Variants in RYR2 observed in about 807,000 individuals in gnomAD.
RYR2 encodes the protein ryanodine receptor 2.
In RYR2, 227 loss-of-function variants were observed where a neutral mutation model predicts 601.1. That is an observed-to-expected ratio of 0.38 (90% CI 0.34 to 0.42). RYR2 has a LOEUF of 0.42. Ranked by LOEUF, RYR2 falls within the 10% of genes least tolerant of loss-of-function variation. The pLI is 1.00. For synonymous variants in RYR2, 2,223 were observed against 2,175.1 expected, an observed-to-expected ratio of 1.02 and a Z score of -0.61; for missense variants, 4,646 against 6,156.5, an observed-to-expected ratio of 0.75 and a Z score of 8.21.
At chr1:237,556,279 A>ATATTATTATTATTATTAT (rs57036969) in intron 27 of RYR2, among the ~76,000 whole-genome samples, 1 of 142,924 alleles carries the variant, frequency 7.0e-6, no homozygotes, top group Non-Finnish European at 1.5e-5. Flanking sequence ...ATTTTTTAAA[A>ATATTATTATTATTATTAT]TATTATTATT....
At chr1:237,432,210 T>A (rs74719158) in intron 12 of RYR2, among the ~76,000 whole-genome samples, 73 of 128,670 alleles carry the variant, frequency 5.7e-4, no homozygotes, top group East Asian at 1.6e-3. Flanking sequence ...AGGCTTTTTT[T>A]AAAAAAAAAT....
intron 47 of RYR2, among the ~76,000 whole-genome samples, chr1:237,641,997 C>A (rs1166870865): frequency 6.6e-6 from 1 of 151,896 alleles, no homozygotes; most frequent in African/African-American, 2.4e-5. Flanking sequence ...AAAATCCTGG[C>A]CCAGGGCCCA....
At position 237,651,846 on chromosome 1, in the gene RYR2, G is replaced by A. The variant is rs568612078; in HGVS notation, c.7824+345G>A. ...AGGTTAGGAGATCGAGACCATCCTAGCTAACACGGTGAAACCCCGTCTCTA... is the reference window on the plus strand; with the variant it reads ...AGGTTAGGAGATCGAGACCATCCTAACTAACACGGTGAAACCCCGTCTCTA... On this transcript the variant is annotated intron_variant, in intron 51 of 104. Coordinates refer to ENST00000366574, the MANE Select transcript of RYR2 (RefSeq NM_001035.3). Among the ~76,000 whole-genome samples the A allele has an allele frequency of 8.5e-5, 13 of 152,268 alleles. No individual in the cohort carries two copies. In the East Asian group the frequency reaches 2.3e-3, roughly 27 times the overall value.
intron 77 of RYR2, among the ~76,000 whole-genome samples, chr1:237,731,044 A>G (rs1690634363): frequency 6.6e-6 from 1 of 152,200 alleles, no homozygotes; most frequent in African/African-American, 2.4e-5. Flanking sequence ...TAACTCACAG[A>G]TTATTAGGGA....
chr1:237,479,660 A>G (rs891802443), intron 17 of RYR2, among the ~76,000 whole-genome samples: 5 of 152,232 alleles, frequency 3.3e-5, no homozygotes, highest in African/African-American at 1.2e-4. Context: ...AAACAGTTAC[A>G]TCTGCCAGCA....
At chr1:237,158,778 T>G (rs964634371) in intron 1 of RYR2, among the ~76,000 whole-genome samples, 2 of 152,216 alleles carry the variant, frequency 1.3e-5, no homozygotes, top group Admixed American at 1.3e-4. Flanking sequence ...AAGGAATGAT[T>G]GCCGAATGAA....
intron 33 of RYR2, among the ~76,000 whole-genome samples, chr1:237,594,904 T>TTTTTTTTG (rs1675685089): frequency 1.3e-4 from 7 of 52,606 alleles, no homozygotes; most frequent in African/African-American, 3.1e-4. Context: ...TTTTTTTTTT[T>TTTTTTTTG]TTTTTTTTTT....
intron 1 of RYR2, among the ~76,000 whole-genome samples, chr1:237,066,614 A>T (rs182664372): frequency 6.7e-6 from 1 of 148,686 alleles, no homozygotes; most frequent in Admixed American, 6.7e-5. Flanking sequence ...AACATCTTTC[A>T]TGTGCTTATT....
chr1:237,132,716 A>C (rs1180160791), intron 1 of RYR2, among the ~76,000 whole-genome samples: 1 of 152,220 alleles, frequency 6.6e-6, no homozygotes, highest in Non-Finnish European at 1.5e-5. Context: ...ATTTTTTATC[A>C]GGAAAAATTT....
At chr1:237,388,329 GT>G in intron 10 of RYR2, 146 bp downstream of exon 10, 1 of 680,592 alleles carries the variant, frequency 1.5e-6, no homozygotes, top group Non-Finnish European at 2.5e-6. Flanking sequence ...TGATCCATTT[GT>G]TGCCCCCTCT....
At chr1:237,791,315 C>T in intron 92 of RYR2, 114 bp from the exon 93 acceptor site, 1 of 672,216 alleles carries the variant, frequency 1.5e-6, no homozygotes. Flanking sequence ...GTGCTTGAAA[C>T]AGTAGGCTTG....
chr1:237,542,987 T>C (rs186194444), intron 25 of RYR2, among the ~76,000 whole-genome samples: 2 of 152,218 alleles, frequency 1.3e-5, no homozygotes, highest in African/African-American at 4.8e-5. Context: ...CAGCCTATCT[T>C]AGACTGGAGG....
chr1:237,724,648 C>T (rs1437021167), intron 74 of RYR2, among the ~76,000 whole-genome samples: 1 of 151,788 alleles, frequency 6.6e-6, no homozygotes. Flanking sequence ...CATCAATCAG[C>T]AGATGACAAG....
At chr1:237,779,257 A>G (rs866069437) in intron 88 of RYR2, among the ~76,000 whole-genome samples, 1 of 152,220 alleles carries the variant, frequency 6.6e-6, no homozygotes, top group Non-Finnish European at 1.5e-5. Flanking sequence ...AAAAGTAGCT[A>G]TTATATGGAT....
At chr1:237,558,062 A>G (rs1671082022) in intron 27 of RYR2, among the ~76,000 whole-genome samples, 1 of 152,216 alleles carries the variant, frequency 6.6e-6, no homozygotes, top group African/African-American at 2.4e-5. Flanking sequence ...TTGAAAGTAC[A>G]GTAAGAGGAG....
Position 237,660,925 on chromosome 1 carries a change from G to C in RYR2, c.8414G>C (p.Arg2805Pro). Residue 2805 changes from arginine to proline, a missense_variant, in exon 56 of 105, where the codon CGT (arginine) becomes CCT (proline). This residue lies in a region of RYR2 where 1,497 missense variants were observed against 1,842.6 expected (regional missense o/e 0.81). Transcript: ENST00000366574. The stretch of plus-strand genomic sequence containing the variant: ...AGCATGGCCCTTTACAACCGGACTC[G>C]TCGTATTTCTCAGACAAGCCAGGTA... ...GDSMALYNRT[R>P]RISQTSQVSV... is the part of the protein sequence containing the mutation. The C allele has an allele frequency of 6.9e-7, 1 of 1,448,294 alleles. No individual in the cohort carries two copies. Among genetic ancestry groups the C allele is most frequent in the East Asian group, 2.6e-5 (1 of 38,450 alleles). The allele number at this position is 1,448,294 out of a possible 1,614,324, so 89.7% of individuals were successfully genotyped here.
intron 2 of RYR2, among the ~76,000 whole-genome samples, chr1:237,279,635 G>T (rs1690651839): frequency 6.6e-6 from 1 of 152,130 alleles, no homozygotes; most frequent in Non-Finnish European, 1.5e-5. Flanking sequence ...GTTACACAAG[G>T]TTGAACCTCA....
intron 44 of RYR2, among the ~76,000 whole-genome samples, chr1:237,636,134 A>G (rs1208686057): frequency 4.0e-5 from 6 of 151,592 alleles, no homozygotes; most frequent in Non-Finnish European, 5.9e-5. Flanking sequence ...TTTTATTTAT[A>G]TTTATAGAAA....
At chr1:237,540,198 C>T (rs955195175) in intron 25 of RYR2, among the ~76,000 whole-genome samples, 3 of 152,004 alleles carry the variant, frequency 2.0e-5, no homozygotes, top group Admixed American at 6.6e-5. Flanking sequence ...TAAAGAAATA[C>T]GCAACTGAAA....
Sources: gnomAD v4.1 joint callset for allele counts (sites outside exome capture counted in the v4.1 genomes callset) on GRCh38, gnomAD v4.1.1 for gene constraint, gnomAD v4.1.1 regional missense constraint, MANE v1.5 for transcripts, NCBI Gene and HGNC (gene_info 2026-07-23, HGNC 2026-07-21) for gene names.